Variants in TAFA5 observed in about 807,000 individuals in gnomAD.
The protein encoded by TAFA5 is TAFA chemokine like family member 5.
Under a neutral mutation model 15.3 loss-of-function variants are expected in TAFA5, and 6 were observed. That is an observed-to-expected ratio of 0.39 (90% CI 0.21 to 0.77). The LOEUF (loss-of-function observed/expected upper bound fraction) is 0.77, where lower values mean the gene tolerates loss of function less well. Among genes scored for constraint, TAFA5 ranks in the 30% least tolerant of loss-of-function variants. The pLI is 0.41. For synonymous variants in TAFA5, 103 were observed against 80.7 expected, an observed-to-expected ratio of 1.28 and a Z score of -1.48; for missense variants, 161 against 193.1, an observed-to-expected ratio of 0.83 and a Z score of 0.98.
rs566583611 is a variant in TAFA5, at chr22:48,590,016, G to A, written c.113-56581G>A. On this transcript the variant is annotated intron_variant, in intron 1 of 3. Coordinates refer to ENST00000402357, the MANE Select transcript of TAFA5 (RefSeq NM_001082967.3). ...GTGTGTGTGTGTGTGTGTGTGTCACGCGCACATGCACGCGTGCTTGGGGGT... is the reference window on the plus strand; with the variant it reads ...GTGTGTGTGTGTGTGTGTGTGTCACACGCACATGCACGCGTGCTTGGGGGT... Among the ~76,000 whole-genome samples the A allele has an allele frequency of 9.1e-5, 12 of 131,812 alleles. No homozygotes were observed. The East Asian group carries it at 1.1e-3, about 13-fold the overall frequency. The allele number at this position is 131,812 out of a possible 152,430, so 86.5% of individuals were successfully genotyped here.
intron 1 of TAFA5, among the ~76,000 whole-genome samples, chr22:48,635,078 C>A (rs1926397044): frequency 6.6e-6 from 1 of 152,222 alleles, no homozygotes; most frequent in Non-Finnish European, 1.5e-5. Context: ...CCGGGCTGTT[C>A]TGGGCCTGGG....
chr22:48,508,073 GGGTTGCTGGGT>G (rs1346705267), intron 1 of TAFA5, among the ~76,000 whole-genome samples: 1 of 152,210 alleles, frequency 6.6e-6, no homozygotes, highest in Non-Finnish European at 1.5e-5. Flanking sequence ...TTGCAGAGAG[GGGTTGCTGGGT>G]GCTGGTGCAA....
intron 2 of TAFA5, among the ~76,000 whole-genome samples, chr22:48,690,788 G>A (rs1928515779): frequency 1.3e-5 from 2 of 152,190 alleles, no homozygotes; most frequent in Admixed American, 1.3e-4. Flanking sequence ...AGTGGCCTTG[G>A]CCTCTGCCCA....
intron 1 of TAFA5, among the ~76,000 whole-genome samples, chr22:48,591,818 C>T (rs920410123): frequency 2.6e-5 from 4 of 152,176 alleles, no homozygotes; most frequent in South Asian, 2.1e-4. Flanking sequence ...CGGAAGCCCA[C>T]GTAGCTAGGG....
chr22:48,575,293 C>A (rs1322956915), intron 1 of TAFA5, among the ~76,000 whole-genome samples: 1 of 151,510 alleles, frequency 6.6e-6, no homozygotes, highest in East Asian at 1.9e-4. Context: ...CCCACCTGAC[C>A]CGCCGGCGCG....
chr22:48,577,915 C>T (rs5768743), intron 1 of TAFA5, among the ~76,000 whole-genome samples: 3 of 152,068 alleles, frequency 2.0e-5, no homozygotes, highest in Non-Finnish European at 4.4e-5. Flanking sequence ...GGTGGTTCTG[C>T]CATAGGGCAG....
At chr22:48,576,298 C>A in intron 1 of TAFA5, 1 of 1,160,076 alleles carries the variant, frequency 8.6e-7, no homozygotes, top group South Asian at 4.3e-5. Flanking sequence ...CCCCTCCCCC[C>A]TGCCCAGAAA....
intron 1 of TAFA5, among the ~76,000 whole-genome samples, chr22:48,595,577 C>T (rs1242968097): frequency 6.6e-6 from 1 of 152,230 alleles, no homozygotes; most frequent in Non-Finnish European, 1.5e-5. Context: ...ACCCTGCATC[C>T]GTTCCGTGGA....
At chr22:48,624,799 T>C (rs1011014585) in intron 1 of TAFA5, among the ~76,000 whole-genome samples, 13 of 152,152 alleles carry the variant, frequency 8.5e-5, no homozygotes. Context: ...CACAGAGTAC[T>C]ATTAGAAACC....
At chr22:48,644,754 C>A (rs984060695) in intron 1 of TAFA5, among the ~76,000 whole-genome samples, 1 of 152,146 alleles carries the variant, frequency 6.6e-6, no homozygotes, top group Admixed American at 6.5e-5. Flanking sequence ...GGAAGGGCAC[C>A]CAGGCTGTAG....
At position 48,515,984 on chromosome 22, in the gene TAFA5, C is replaced by A. The variant is rs185673573; in HGVS notation, c.112+26280C>A. ...AGGGAAAGGCAACCCGGGCAGCCAC[C>A]CTCCCCACCCCAGCCTCACTCCCTG... On this transcript the variant is annotated intron_variant, in intron 1 of 3. Coordinates refer to ENST00000402357, the MANE Select transcript of TAFA5 (RefSeq NM_001082967.3). Among the ~76,000 whole-genome samples, 260 of 152,128 alleles carry A rather than the reference C, an allele frequency of 1.7e-3. 1 individual carries two copies. Among genetic ancestry groups the A allele is most frequent in the East Asian group, 8.8e-3 (45 of 5,130 alleles).
At position 48,698,444 on chromosome 22, in the gene TAFA5, A is replaced by C. The variant is rs534240953; in HGVS notation, c.263-9273A>C. ...GGTGGTTGTGATGGTGGTGGTGGTG[A>C]TGGTGATGATGATGATGGTAATGGT... On this transcript the variant is annotated intron_variant, in intron 2 of 3. Coordinates refer to ENST00000402357, the MANE Select transcript of TAFA5 (RefSeq NM_001082967.3). Among the ~76,000 whole-genome samples, 5 of 151,690 alleles carry C rather than the reference A, an allele frequency of 3.3e-5. No homozygotes were observed. The South Asian group carries it at 1.0e-3, about 32-fold the overall frequency.
chr22:48,652,778 A>T (rs993051547), intron 2 of TAFA5, among the ~76,000 whole-genome samples: 1 of 152,178 alleles, frequency 6.6e-6, no homozygotes, highest in Non-Finnish European at 1.5e-5. Context: ...GACGGAGACC[A>T]GCTGGGTACC....
chr22:48,499,881 C>T (rs553591944), intron 1 of TAFA5, among the ~76,000 whole-genome samples: 4 of 152,208 alleles, frequency 2.6e-5, no homozygotes, highest in African/African-American at 4.8e-5. Context: ...TGCAAATGTG[C>T]GTTCCGGGGT....
chr22:48,567,500 G>T (rs1191773817), intron 1 of TAFA5, among the ~76,000 whole-genome samples: 1 of 152,218 alleles, frequency 6.6e-6, no homozygotes, highest in East Asian at 1.9e-4. Flanking sequence ...GGTGATCGTG[G>T]GTGCGGGTCT....
intron 1 of TAFA5, among the ~76,000 whole-genome samples, chr22:48,618,353 A>G (rs1925687167): frequency 6.6e-6 from 1 of 152,218 alleles, no homozygotes; most frequent in Non-Finnish European, 1.5e-5. Context: ...CCAAGCCTTC[A>G]TATTTACCTT....
At chr22:48,733,650 G>A (rs1316859455) in intron 3 of TAFA5, among the ~76,000 whole-genome samples, 3 of 152,184 alleles carry the variant, frequency 2.0e-5, no homozygotes, top group Non-Finnish European at 4.4e-5. Context: ...CCGAGTATGA[G>A]TATAGAAAGT....
At chr22:48,590,283 A>G (rs1412411135) in intron 1 of TAFA5, among the ~76,000 whole-genome samples, 1 of 152,220 alleles carries the variant, frequency 6.6e-6, no homozygotes, top group African/African-American at 2.4e-5. Context: ...TCCTCCTTCC[A>G]TAAATCCAGC....
intron 3 of TAFA5, among the ~76,000 whole-genome samples, chr22:48,711,115 A>G (rs1929238872): frequency 3.3e-5 from 5 of 152,180 alleles, no homozygotes; most frequent in Non-Finnish European, 1.5e-5. Context: ...GACCAGGGAC[A>G]TGGGCAGGTG....
Sources: gnomAD v4.1 joint callset for allele counts (sites outside exome capture counted in the v4.1 genomes callset) on GRCh38, gnomAD v4.1.1 for gene constraint, MANE v1.5 for transcripts, NCBI Gene and HGNC (gene_info 2026-07-23, HGNC 2026-07-21) for gene names.